Variants in CALU observed in about 807,000 individuals in gnomAD.
CALU encodes the protein calumenin.
Under a neutral mutation model 37.5 loss-of-function variants are expected in CALU, and 13 were observed. The ratio of observed to expected loss-of-function variants is 0.35; its 90% CI spans 0.23 to 0.55. The LOEUF (loss-of-function observed/expected upper bound fraction) is 0.55, where lower values mean the gene tolerates loss of function less well. CALU is among the 20% of genes least tolerant of loss of function. CALU has a pLI of 0.89. For synonymous variants in CALU, 114 were observed against 133.8 expected (o/e 0.85, Z 1.02); for missense variants, 282 against 391.7 (o/e 0.72, Z 2.36).
Position 128,772,098 on chromosome 7 carries a change from G to A in CALU, c.*2931G>A, listed in dbSNP as rs1277472340. Among the ~76,000 whole-genome samples the A allele has an allele frequency of 7.8e-6, 1 of 127,622 alleles. No homozygotes were observed. The allele number at this position is 127,622 out of a possible 152,430, so 83.7% of individuals were successfully genotyped here. A position where few individuals can be genotyped will look rare whatever the true frequency, so the allele number is the denominator to read the frequency against. On this transcript the variant is annotated 3_prime_UTR_variant, in exon 7 of 7. Transcript: ENST00000249364. ...TTGTTTTGTTTTGTTTTTTCTTTAT[G>A]TCTCTCCCATTTCTAAAGTGTTTTC...
chr7:128,768,970 C>T (rs1801450320), intron 6 of CALU, 93 bp from the exon 7 acceptor site: 1 of 668,186 alleles, frequency 1.5e-6, no homozygotes, highest in Non-Finnish European at 2.6e-6. Flanking sequence ...AGAATCTTAA[C>T]TTCTGATTAA....
intron 3 of CALU, among the ~76,000 whole-genome samples, chr7:128,755,309 C>CAA (rs59208090): frequency 0.2 from 10,050 of 51,062 alleles, 1,911 homozygotes; most frequent in Non-Finnish European, 0.3. Flanking sequence ...GAGCTCTGTC[C>CAA]AAAAAAAAAA....
rs192421837 is a variant in CALU, at chr7:128,749,428, A to T, written c.221+624A>T. On this transcript the variant is annotated intron_variant, in intron 2 of 6. Coordinates refer to ENST00000249364, the MANE Select transcript of CALU (RefSeq NM_001219.5). ...AGACATCTTTTGTCCTGAAAAATGG[A>T]TTTGGTAGAATCCCAGTTGATTATT... is the stretch of plus-strand genomic sequence containing the variant. Among the ~76,000 whole-genome samples, 12 of 152,290 alleles carry T rather than the reference A, an allele frequency of 7.9e-5. No homozygotes were observed. In the East Asian group the frequency reaches 1.7e-3, roughly 22 times the overall value.
intron 1 of CALU, chr7:128,747,587 A>G (rs1800497203): frequency 6.6e-6 from 1 of 152,042 alleles, no homozygotes; most frequent in Non-Finnish European, 1.5e-5. Context: ...CTGCCTTCCC[A>G]GTGATGAAAG....
intron 3 of CALU, among the ~76,000 whole-genome samples, chr7:128,756,599 A>T (rs1022181551): frequency 1.1e-4 from 16 of 152,184 alleles, no homozygotes; most frequent in Middle Eastern, 3.2e-3. Context: ...TATCCATGAG[A>T]GAAAGGTTAA....
Position 128,754,382 on chromosome 7 carries a change from G to A in CALU, c.342G>A (p.Lys114=). The part of the protein sequence containing the change: ...WIYEDVERQW[K]GHDLNEDGLV... ...ACGAGGATGTAGAGCGACAGTGGAA[G>A]GGGCATGACCTCAATGAGGACGGCC... The change falls in exon 3 of 7, where the codon AAG becomes AAA. Residue 114 remains lysine (K), a synonymous_variant. Transcript: ENST00000249364. The A allele has an allele frequency of 6.2e-7, 1 of 1,614,186 alleles. No homozygotes were observed. Among genetic ancestry groups the A allele is most frequent in the Non-Finnish European group, 8.5e-7 (1 of 1,180,014 alleles).
Position 128,771,932 on chromosome 7 carries a change from C to G in CALU, c.*2765C>G, listed in dbSNP as rs1461043748. On this transcript the variant is annotated 3_prime_UTR_variant, in exon 7 of 7. Transcript: ENST00000249364. ...ACAAATATAAAGGTTTAGCCAAATG[C>G]AACGGGGAGGAAGCACCTGGAATAA... 6.5e-6 allele frequency: 1 copy of G among 153,722 alleles called. No individual in the cohort carries two copies. The highest frequency in any genetic ancestry group is 1.9e-4 in the East Asian group (1 of 5,210). 9.5% of individuals were successfully genotyped at this position (153,722 alleles called of 1,614,324 possible). A position where few individuals can be genotyped will look rare whatever the true frequency, so the allele number is the denominator to read the frequency against.
Position 128,772,490 on chromosome 7 carries a change from T to C in CALU, c.*3323T>C. On this transcript the variant is annotated 3_prime_UTR_variant, in exon 7 of 7. Transcript: ENST00000249364. ...CTGACGGAGACAATAGAAACTTACT[T>C]AAAAGTAAAATTTAATTCTAGCTGT... 6.2e-7 allele frequency: 1 copy of C among 1,612,126 alleles called. No homozygotes were observed. The highest frequency in any genetic ancestry group is 8.5e-7 in the Non-Finnish European group (1 of 1,178,354).
chr7:128,759,063 A>G, intron 4 of CALU, 26 bp downstream of exon 4: 1 of 1,582,820 alleles, frequency 6.3e-7, no homozygotes, highest in Non-Finnish European at 8.6e-7. Context: ...GATTCTGAAC[A>G]GGGACTCAGT....
intron 3 of CALU, 150 bp downstream of exon 3, chr7:128,754,605 G>C (rs371458036): frequency 3.2e-6 from 5 of 1,551,556 alleles, no homozygotes; most frequent in Admixed American, 2.0e-5. Context: ...GATTAAGCAC[G>C]CCCAGAAGAA....
chr7:128,759,916 G>C (rs1801037717), intron 5 of CALU, 64 bp downstream of exon 5: 1 of 899,230 alleles, frequency 1.1e-6, no homozygotes. Flanking sequence ...TGTATTTGCT[G>C]GCTGGGCACA....
chr7:128,747,097 A>G (rs997141755), intron 1 of CALU, among the ~76,000 whole-genome samples: 3 of 151,682 alleles, frequency 2.0e-5, no homozygotes, highest in African/African-American at 7.3e-5. Context: ...GTATTTTTCC[A>G]TAATCGAGAT....
Position 128,748,822 on chromosome 7 carries a change from A to G in CALU, c.221+18A>G. ...AGGCTTGGGTAAGGTACCACCTCTC[A>G]GGGGTCTAGTGTGGGTAATGACATT... On this transcript the variant is annotated intron_variant, in intron 2 of 6. Coordinates refer to ENST00000249364, the MANE Select transcript of CALU (RefSeq NM_001219.5). 5 of 1,533,100 alleles carry G rather than the reference A, an allele frequency of 3.3e-6. No individual in the cohort carries two copies. The highest frequency in any genetic ancestry group is 4.5e-6 in the Non-Finnish European group (5 of 1,106,300). The allele number at this position is 1,533,100 out of a possible 1,614,324, so 95.0% of individuals were successfully genotyped here.
intron 2 of CALU, among the ~76,000 whole-genome samples, chr7:128,753,307 A>C (rs1203225798): frequency 2.6e-5 from 4 of 152,262 alleles, no homozygotes; most frequent in Admixed American, 6.5e-5. Flanking sequence ...TTTTGACTTC[A>C]ACTTCATATT....
At chr7:128,749,813 G>A (rs6954433) in intron 2 of CALU, among the ~76,000 whole-genome samples, 42,140 of 152,084 alleles carry the variant, frequency 0.28, 6,868 homozygotes, top group Non-Finnish European at 0.38. Flanking sequence ...CTGTCACATA[G>A]CATTTGAAAG....
intron 6 of CALU, among the ~76,000 whole-genome samples, chr7:128,768,847 C>CAAAAAAA (rs1012831963): frequency 0.075 from 4,117 of 54,966 alleles, 457 homozygotes; most frequent in African/African-American, 0.11. Context: ...AACTCCGTCT[C>CAAAAAAA]AAAAAAAAAA....
At chr7:128,767,413 G>A in intron 5 of CALU, 43 bp from the exon 6 acceptor site, 3 of 1,501,462 alleles carry the variant, frequency 2.0e-6, no homozygotes, top group Non-Finnish European at 2.8e-6. Context: ...CAGTTTTGGG[G>A]AAAAGACAAA....
At position 128,751,544 on chromosome 7, in the gene CALU, T is replaced by C. The variant is rs1800675500; in HGVS notation, c.222-2718T>C. On this transcript the variant is annotated intron_variant, in intron 2 of 6. Transcript: ENST00000249364. ...GAGTTCGAGACCAGCCTGGGCAATA[T>C]AGGGAGACCCTCTCTCTACAACAAA... is the stretch of plus-strand genomic sequence containing the variant. Among the ~76,000 whole-genome samples, 3 of 151,846 alleles carry C rather than the reference T, an allele frequency of 2.0e-5. No individual in the cohort carries two copies. The South Asian group carries it at 6.2e-4, about 32-fold the overall frequency.
At chr7:128,755,019 A>G (rs894372644) in intron 3 of CALU, among the ~76,000 whole-genome samples, 2 of 151,922 alleles carry the variant, frequency 1.3e-5, no homozygotes, top group Non-Finnish European at 2.9e-5. Flanking sequence ...ATTTAAAAGA[A>G]TACATTGGGC....
Sources: gnomAD v4.1 joint callset for allele counts (sites outside exome capture counted in the v4.1 genomes callset) on GRCh38, gnomAD v4.1.1 for gene constraint, MANE v1.5 for transcripts, NCBI Gene and HGNC (gene_info 2026-07-23, HGNC 2026-07-21) for gene names.